The following SLC25A21 variants were observed in gnomAD, a reference collection of about 807,000 sequenced individuals.
The protein encoded by SLC25A21 is mitochondrial 2-oxodicarboxylate carrier.
In SLC25A21, 47 loss-of-function variants were observed where a neutral mutation model predicts 43.8. The ratio of observed to expected loss-of-function variants is 1.07; its 90% CI spans 0.85 to 1.37. SLC25A21 has a LOEUF of 1.37. Among genes scored for constraint, SLC25A21 ranks in the 40% most tolerant of loss-of-function variants. SLC25A21 has a pLI of 0.00. For synonymous variants in SLC25A21, 131 were observed against 121.3 expected, an observed-to-expected ratio of 1.08 and a Z score of -0.52; for missense variants, 352 against 350.2, an observed-to-expected ratio of 1.00 and a Z score of -0.04.
At chr14:36,880,715 A>C (rs1350293078) in intron 1 of SLC25A21, among the ~76,000 whole-genome samples, 1 of 152,222 alleles carries the variant, frequency 6.6e-6, no homozygotes, top group Non-Finnish European at 1.5e-5. Context: ...ACCTTATATA[A>C]ATAAGCAGAT....
intron 2 of SLC25A21, among the ~76,000 whole-genome samples, chr14:36,814,549 G>A (rs7156912): frequency 5.3e-5 from 8 of 152,110 alleles, no homozygotes; most frequent in Middle Eastern, 3.4e-3. Context: ...ACATTTAAGC[G>A]GCCAACAAAC....
intron 1 of SLC25A21, among the ~76,000 whole-genome samples, chr14:37,040,760 G>T (rs761335511): frequency 3.3e-5 from 5 of 151,936 alleles, no homozygotes; most frequent in Admixed American, 6.6e-5. Flanking sequence ...GACGTGGACA[G>T]ATGAGAAAGA....
intron 1 of SLC25A21, among the ~76,000 whole-genome samples, chr14:37,084,754 T>C (rs1032241221): frequency 7.2e-5 from 11 of 152,128 alleles, no homozygotes; most frequent in Non-Finnish European, 1.5e-4. Flanking sequence ...TCCAACTCCT[T>C]AGTTGCTATA....
chr14:36,928,277 T>A (rs1483172496), intron 1 of SLC25A21, among the ~76,000 whole-genome samples: 7 of 152,126 alleles, frequency 4.6e-5, no homozygotes, highest in Admixed American at 4.6e-4. Flanking sequence ...AAACAGGTAC[T>A]CCAAAGAGGA....
At chr14:37,167,885 T>C (rs1003270518) in intron 1 of SLC25A21, among the ~76,000 whole-genome samples, 35 of 151,066 alleles carry the variant, frequency 2.3e-4, no homozygotes, top group Non-Finnish European at 4.0e-4. Flanking sequence ...CCTGACTCTC[T>C]AGCTGCACCG....
intron 1 of SLC25A21, among the ~76,000 whole-genome samples, chr14:36,893,234 T>C (rs1277336861): frequency 1.3e-5 from 2 of 152,152 alleles, no homozygotes; most frequent in Admixed American, 6.6e-5. Context: ...TTTTAATGAT[T>C]GCCATTCTAA....
chr14:36,793,039 A>C (rs1337221514), intron 3 of SLC25A21, among the ~76,000 whole-genome samples: 1 of 152,200 alleles, frequency 6.6e-6, no homozygotes, highest in African/African-American at 2.4e-5. Context: ...ATGGCGTCTT[A>C]TACTGGCATT....
At chr14:37,112,717 T>C (rs924498107) in intron 1 of SLC25A21, among the ~76,000 whole-genome samples, 3 of 152,150 alleles carry the variant, frequency 2.0e-5, no homozygotes, top group Admixed American at 1.3e-4. Context: ...CCACCATCAA[T>C]TGAGGCTAGG....
chr14:36,973,790 A>C (rs1959808274), intron 1 of SLC25A21, among the ~76,000 whole-genome samples: 1 of 152,254 alleles, frequency 6.6e-6, no homozygotes, highest in East Asian at 1.9e-4. Flanking sequence ...AAATGAGCTG[A>C]AAGCTCACAG....
rs1167975564 is a variant in SLC25A21 at position 37,172,492 on chromosome 14, C to T, written c.-142G>A. 5.7e-6 allele frequency: 5 copies of T among 884,562 alleles called. No individual in the cohort carries two copies. The highest frequency in any genetic ancestry group is 5.6e-6 in the Non-Finnish European group (3 of 540,110). 54.8% of individuals were successfully genotyped at this position (884,562 alleles called of 1,614,324 possible). A position where few individuals can be genotyped will look rare whatever the true frequency, so the allele number is the denominator to read the frequency against. ...CTGTGGAGCAGCAATCCGGCGACTG[C>T]TGGAAAGCGAGGGTTCGAGGCGCAG... On this transcript the variant is annotated 5_prime_UTR_variant, in exon 1 of 10. Transcript: ENST00000331299.
intron 2 of SLC25A21, among the ~76,000 whole-genome samples, chr14:36,848,797 G>A (rs1889628159): frequency 1.3e-5 from 2 of 152,172 alleles, no homozygotes; most frequent in African/African-American, 4.8e-5. Context: ...CTCATTTCCT[G>A]TTCACATATT....
chr14:37,171,572 T>G (rs1964129886), intron 1 of SLC25A21, among the ~76,000 whole-genome samples: 1 of 152,210 alleles, frequency 6.6e-6, no homozygotes, highest in African/African-American at 2.4e-5. Flanking sequence ...AATTTATATT[T>G]TAAAATAGCT....
chr14:36,694,912 A>G (rs939792858), intron 7 of SLC25A21, among the ~76,000 whole-genome samples: 2 of 152,084 alleles, frequency 1.3e-5, no homozygotes, highest in Non-Finnish European at 2.9e-5. Context: ...CTTTAGTTTA[A>G]TTAGATCCCA....
At chr14:37,046,529 A>C (rs920760416) in intron 1 of SLC25A21, among the ~76,000 whole-genome samples, 6 of 152,192 alleles carry the variant, frequency 3.9e-5, no homozygotes, top group Non-Finnish European at 5.9e-5. Flanking sequence ...AATTTTGTTA[A>C]ATACCACTCC....
chr14:36,709,516 T>C (rs779840390), intron 7 of SLC25A21, among the ~76,000 whole-genome samples: 2 of 152,170 alleles, frequency 1.3e-5, no homozygotes, highest in Non-Finnish European at 2.9e-5. Context: ...GGAGTCAGAA[T>C]TGTCAGTCAC....
chr14:37,004,798 G>C (rs1364996588), intron 1 of SLC25A21, among the ~76,000 whole-genome samples: 1 of 151,550 alleles, frequency 6.6e-6, no homozygotes, highest in African/African-American at 2.4e-5. Context: ...GCAGAGCCGA[G>C]ACTCAAACCA....
chr14:36,850,009 C>T (rs923617442), intron 2 of SLC25A21, among the ~76,000 whole-genome samples: 5 of 152,088 alleles, frequency 3.3e-5, no homozygotes, highest in African/African-American at 9.7e-5. Context: ...ACTGTCTTGT[C>T]ATGTGGATAC....
At chr14:37,126,642 T>C (rs1222220279) in intron 1 of SLC25A21, among the ~76,000 whole-genome samples, 1 of 152,102 alleles carries the variant, frequency 6.6e-6, no homozygotes, top group Non-Finnish European at 1.5e-5. Context: ...TACTGGCACA[T>C]TGATTTCCAC....
In SLC25A21 at chr14:36,814,817, G is replaced by A. The variant is rs149398950; in HGVS notation, c.120-816C>T. Among the ~76,000 whole-genome samples, 456 of 152,172 alleles carry A rather than the reference G, an allele frequency of 3.0e-3. 3 individuals carry two copies. The highest frequency in any genetic ancestry group is 0.011 in the African/African-American group (436 of 41,488). On this transcript the variant is annotated intron_variant, in intron 2 of 9. Coordinates refer to ENST00000331299, the MANE Select transcript of SLC25A21 (RefSeq NM_030631.4). ...CATTTGACCCAGCAATCCCATTACC[G>A]GGTATATACCCAAAGGATTAGAAAT...
Sources: gnomAD v4.1 joint callset for allele counts (sites outside exome capture counted in the v4.1 genomes callset) on GRCh38, gnomAD v4.1.1 for gene constraint, MANE v1.5 for transcripts, NCBI Gene and HGNC (gene_info 2026-07-23, HGNC 2026-07-21) for gene names.